Variants in FOXP1 observed in about 807,000 individuals in gnomAD.
FOXP1 encodes forkhead box P1, also known as forkhead box protein P1.
Under a neutral mutation model 98.2 loss-of-function variants are expected in FOXP1, and 15 were observed. The ratio of observed to expected loss-of-function variants is 0.15; its 90% CI spans 0.10 to 0.24. The LOEUF is 0.24. Ranked by LOEUF, FOXP1 falls within the 10% of genes least tolerant of loss-of-function variation. The probability of loss-of-function intolerance (pLI) is 1.00; values close to 1 mark genes in which losing one functional copy is unlikely to be tolerated. For missense variants in FOXP1, 633 were observed against 848.5 expected (o/e 0.75, Z 3.15); for synonymous variants, 371 against 314.5 (o/e 1.18, Z -1.90).
chr3:71,288,611 T>G (rs1439555449), intron 5 of FOXP1, among the ~76,000 whole-genome samples: 1 of 152,196 alleles, frequency 6.6e-6, no homozygotes, highest in East Asian at 1.9e-4. Flanking sequence ...ACATCCCACT[T>G]TCCTCTATGC....
At chr3:71,411,154 A>G (rs942731703) in intron 3 of FOXP1, among the ~76,000 whole-genome samples, 6 of 152,168 alleles carry the variant, frequency 3.9e-5, no homozygotes, top group Non-Finnish European at 5.9e-5. Flanking sequence ...GACATCACAC[A>G]ATATATAGGA....
chr3:70,971,977 G>GAAA, intron 18 of FOXP1: 1 of 1,171,156 alleles, frequency 8.5e-7, no homozygotes, highest in Admixed American at 3.8e-5. Flanking sequence ...AGCAACAGCA[G>GAAA]AAAAAAAAAA....
At chr3:71,432,435 C>T (rs980942086) in intron 3 of FOXP1, among the ~76,000 whole-genome samples, 1 of 152,096 alleles carries the variant, frequency 6.6e-6, no homozygotes, top group South Asian at 2.1e-4. Flanking sequence ...GCACAATTGA[C>T]GCACCCCTCC....
At chr3:71,050,993 G>A (rs1342947041) in intron 9 of FOXP1, among the ~76,000 whole-genome samples, 2 of 152,072 alleles carry the variant, frequency 1.3e-5, no homozygotes, top group African/African-American at 4.8e-5. Flanking sequence ...TCTTTTGACC[G>A]CACAATAATC....
chr3:71,171,112 T>TC (rs2061632558), intron 6 of FOXP1, among the ~76,000 whole-genome samples: 1 of 151,588 alleles, frequency 6.6e-6, no homozygotes, highest in Non-Finnish European at 1.5e-5. Context: ...TTTTTTTTTT[T>TC]AATTTAAATA....
intron 17 of FOXP1, 128 bp downstream of exon 17, chr3:70,976,813 G>C (rs2037661345): frequency 2.8e-6 from 2 of 709,514 alleles, no homozygotes; most frequent in Admixed American, 2.1e-5. Flanking sequence ...TACACCTAGA[G>C]ATTGGACACT....
chr3:71,010,134 T>A (rs1278955249), intron 12 of FOXP1, among the ~76,000 whole-genome samples: 1 of 152,054 alleles, frequency 6.6e-6, no homozygotes, highest in African/African-American at 2.4e-5. Context: ...GAGGCTCAGA[T>A]GACATGTGGC....
intron 11 of FOXP1, among the ~76,000 whole-genome samples, chr3:71,028,587 G>A (rs1233137003): frequency 4.6e-5 from 7 of 152,172 alleles, no homozygotes; most frequent in Admixed American, 6.5e-5. Flanking sequence ...AGAAGTGCTC[G>A]CCAACCTTTT....
At chr3:71,126,382 T>C (rs9850599) in intron 6 of FOXP1, among the ~76,000 whole-genome samples, 46,097 of 149,656 alleles carry the variant, frequency 0.31, 7,960 homozygotes, top group East Asian at 0.6. Context: ...CCAGCTACTC[T>C]GGAGGCTAGG....
chr3:71,309,147 T>A (rs1283324981), intron 4 of FOXP1, among the ~76,000 whole-genome samples: 1 of 152,192 alleles, frequency 6.6e-6, no homozygotes, highest in African/African-American at 2.4e-5. Flanking sequence ...TCATCCTTAC[T>A]GGAATAACAA....
At chr3:71,130,697 C>T in intron 6 of FOXP1, 11 of 1,562,676 alleles carry the variant, frequency 7.0e-6, no homozygotes, top group Non-Finnish European at 9.5e-6. Flanking sequence ...CCTTTGTAGG[C>T]AACCTCAGGG....
chr3:71,051,323 ACTG>A (rs1224719734), intron 9 of FOXP1, among the ~76,000 whole-genome samples: 1 of 152,010 alleles, frequency 6.6e-6, no homozygotes, highest in Non-Finnish European at 1.5e-5. Flanking sequence ...TCACCCCAAA[ACTG>A]CCCCTACTCT....
At chr3:71,371,837 C>T (rs948652396) in intron 3 of FOXP1, among the ~76,000 whole-genome samples, 2 of 152,074 alleles carry the variant, frequency 1.3e-5, no homozygotes, top group African/African-American at 4.8e-5. Flanking sequence ...CTCTCCCACA[C>T]CATCCTCACT....
At chr3:71,037,104 C>T (rs1198564002) in intron 11 of FOXP1, among the ~76,000 whole-genome samples, 3 of 152,134 alleles carry the variant, frequency 2.0e-5, no homozygotes, top group African/African-American at 7.2e-5. Context: ...TATAATCATC[C>T]TTACTGCTTC....
intron 5 of FOXP1, among the ~76,000 whole-genome samples, chr3:71,230,113 C>T (rs1386187264): frequency 3.3e-5 from 3 of 91,346 alleles, no homozygotes; most frequent in Non-Finnish European, 6.0e-5. Context: ...GCAGACACCA[C>T]TGGGGAGGGG....
intron 7 of FOXP1, among the ~76,000 whole-genome samples, chr3:71,055,835 T>C (rs1342348657): frequency 6.6e-6 from 1 of 152,212 alleles, no homozygotes; most frequent in Non-Finnish European, 1.5e-5. Context: ...TTTTTTCCTC[T>C]GCGTTTCTTG....
chr3:71,522,355 T>C (rs892348333), intron 2 of FOXP1, among the ~76,000 whole-genome samples: 1 of 152,182 alleles, frequency 6.6e-6, no homozygotes, highest in Admixed American at 6.5e-5. Flanking sequence ...TACCACCAGA[T>C]TCCTTTTCCT....
At chr3:71,107,787 G>A (rs2057561913) in intron 7 of FOXP1, among the ~76,000 whole-genome samples, 1 of 152,156 alleles carries the variant, frequency 6.6e-6, no homozygotes, top group African/African-American at 2.4e-5. Context: ...ACGTGGAAAT[G>A]ATATGAGCTA....
intron 3 of FOXP1, among the ~76,000 whole-genome samples, chr3:71,415,814 T>G (rs867820612): frequency 6.6e-6 from 1 of 151,374 alleles, no homozygotes; most frequent in Admixed American, 6.6e-5. Context: ...TCATCACTCC[T>G]CAAAAAGAAC....
Sources: gnomAD v4.1 joint callset for allele counts (sites outside exome capture counted in the v4.1 genomes callset) on GRCh38, gnomAD v4.1.1 for gene constraint, MANE v1.5 for transcripts, NCBI Gene and HGNC (gene_info 2026-07-23, HGNC 2026-07-21) for gene names.